Variants in PPP2R1B observed in about 807,000 individuals in gnomAD.
PPP2R1B encodes the protein serine/threonine-protein phosphatase 2A 65 kDa regulatory subunit A beta isoform.
PPP2R1B carries 58 observed loss-of-function variants against 72.7 expected under a neutral mutation model. The observed-to-expected ratio is 0.80, with a 90% CI of 0.65 to 0.99. The LOEUF is 0.99. Ranked by LOEUF, PPP2R1B falls within the 50% of genes least tolerant of loss-of-function variation. PPP2R1B has a pLI of 0.00. For missense variants in PPP2R1B, 695 were observed against 733.6 expected, an observed-to-expected ratio of 0.95 and a Z score of 0.61; for synonymous variants, 256 against 264.6, an observed-to-expected ratio of 0.97 and a Z score of 0.32.
rs782535887 is a variant in PPP2R1B at position 111,759,855 on chromosome 11, A to T, written c.636T>A (p.Ser212Arg). The change falls in exon 5 of 15, where the codon AGT (serine) becomes AGA (arginine). Residue 212 changes from serine to arginine, a missense_variant. Transcript: ENST00000527614. ...GEFAKVLELD[S>R]VKSEIVPLFT... ...ACAGTGGAACAATTTCACTTTTCACACTGTCTAATTCCAAAACTTTTGCAA... is the reference window on the plus strand; with the variant it reads ...ACAGTGGAACAATTTCACTTTTCACTCTGTCTAATTCCAAAACTTTTGCAA... 6.2e-7 allele frequency: 1 copy of T among 1,614,130 alleles called. No homozygotes were observed.
At chr11:111,703,054 C>A in the PPP2R1B span, 3 of 648,048 alleles carry the variant, frequency 4.6e-6, no homozygotes, top group South Asian at 5.8e-5. Flanking sequence ...TATAAGTAGC[C>A]TGCATGTGTT....
intron 10 of PPP2R1B, among the ~76,000 whole-genome samples, chr11:111,750,763 C>CA (rs1555047609): frequency 6.6e-6 from 1 of 151,986 alleles, no homozygotes; most frequent in African/African-American, 2.4e-5. Flanking sequence ...TCACGAAACT[C>CA]AAACAGTAAC....
rs781815280 is a variant in PPP2R1B at position 111,752,203 on chromosome 11, G to A, written c.1294C>T (p.Arg432Cys). ...GGCATATACTCAATGATGGCCAGGCGGACCCTCCATTTGGCATCTTCTGCC... is the reference window on the plus strand; with the variant it reads ...GGCATATACTCAATGATGGCCAGGCAGACCCTCCATTTGGCATCTTCTGCC... ...ELAEDAKWRVRLAIIEYMPLL... is the reference protein window; with the variant it reads ...ELAEDAKWRVCLAIIEYMPLL... Residue 432 changes from arginine (R) to cysteine (C), a missense_variant, in exon 10 of 15, where the codon CGC becomes TGC. Arg to Cys is a radical substitution (Grantham distance 180). Coordinates refer to ENST00000527614, the MANE Select transcript of PPP2R1B (RefSeq NM_002716.5). 16 of 1,613,806 alleles carry A rather than the reference G, an allele frequency of 9.9e-6. No individual in the cohort carries two copies. Among genetic ancestry groups the A allele is most frequent in the South Asian group, 5.5e-5 (5 of 91,052 alleles).
At chr11:111,737,321 T>TC (rs746876712), downstream of PPP2R1B, 25 of 1,417,532 alleles carry the variant, frequency 1.8e-5, no homozygotes, top group Admixed American at 1.4e-4. Flanking sequence ...ATTGGACTCT[T>TC]CCCCTGGGGA....
intron 15 of PPP2R1B, chr11:111,730,485 A>C (rs1944151232): frequency 6.6e-6 from 1 of 152,254 alleles, no homozygotes; most frequent in African/African-American, 2.4e-5. Flanking sequence ...AGAAAGGGCA[A>C]GATTATTTGC....
chr11:111,712,127 A>G, the PPP2R1B span: 2 of 1,342,852 alleles, frequency 1.5e-6, no homozygotes, highest in Non-Finnish European at 2.1e-6. Flanking sequence ...TGCCACAGGA[A>G]GAATTATTTT....
chr11:111,702,925 C>CTGTT, the PPP2R1B span, among the ~76,000 whole-genome samples: 144,159 of 152,012 alleles, frequency 0.95, 68,717 homozygotes, highest in East Asian at 1. Context: ...AAACCAAAGT[C>CTGTT]TGTTTCTAGA....
At chr11:111,746,786 A>C (rs1389738125) in intron 11 of PPP2R1B, among the ~76,000 whole-genome samples, 3 of 152,232 alleles carry the variant, frequency 2.0e-5, no homozygotes, top group Non-Finnish European at 4.4e-5. Flanking sequence ...TTTTATTTAA[A>C]AAGAAATAAA....
chr11:111,720,528 G>A, the PPP2R1B span: 1 of 1,613,668 alleles, frequency 6.2e-7, no homozygotes, highest in Non-Finnish European at 8.5e-7. Flanking sequence ...TGTGGACTCT[G>A]AGTATGATAT....
At chr11:111,764,662 T>TA in intron 3 of PPP2R1B, 143 bp downstream of exon 3, 1 of 805,228 alleles carries the variant, frequency 1.2e-6, no homozygotes, top group South Asian at 1.8e-5. Flanking sequence ...CTACAGTACT[T>TA]ATTCTCTCAA....
At chr11:111,764,624 A>G (rs1385001948) in intron 3 of PPP2R1B, among the ~76,000 whole-genome samples, 181 bp downstream of exon 3, 1 of 152,156 alleles carries the variant, frequency 6.6e-6, no homozygotes, top group Non-Finnish European at 1.5e-5. Context: ...TTTACAGAAA[A>G]AAAAAAAAGG....
intron 2 of PPP2R1B, 26 bp from the exon 3 acceptor site, chr11:111,764,931 T>C (rs7106104): frequency 0.27 from 436,109 of 1,610,116 alleles, 60,330 homozygotes; most frequent in Middle Eastern, 0.3. Flanking sequence ...ACAGGACTCA[T>C]CAACATGGAT....
chr11:111,742,498 A>G (rs1473852629), intron 13 of PPP2R1B, 25 bp downstream of exon 13: 1 of 1,603,414 alleles, frequency 6.2e-7, no homozygotes, highest in Non-Finnish European at 8.5e-7. Context: ...CACTTTTAAA[A>G]CAAGACTAAA....
chr11:111,689,332 A>C, the PPP2R1B span, among the ~76,000 whole-genome samples: 34 of 152,318 alleles, frequency 2.2e-4, no homozygotes, highest in East Asian at 5.4e-3. Context: ...TAACATGATT[A>C]GATTTGCATG....
At chr11:111,723,385 T>G, downstream of PPP2R1B, 3 of 1,204,746 alleles carry the variant, frequency 2.5e-6, no homozygotes, top group Non-Finnish European at 3.5e-6. Context: ...TTTGCTGACA[T>G]GAGAGAGACT....
At chr11:111,699,908 T>G in the PPP2R1B span, among the ~76,000 whole-genome samples, 1 of 152,230 alleles carries the variant, frequency 6.6e-6, no homozygotes. Flanking sequence ...GAGCCATCTC[T>G]TAAAGCTCAC....
chr11:111,754,860 T>TAA (rs1945042651), intron 7 of PPP2R1B, 120 bp downstream of exon 7: 1 of 948,780 alleles, frequency 1.1e-6, no homozygotes, highest in African/African-American at 1.7e-5. Context: ...TTCCACACAC[T>TAA]AAAAACATCC....
intron 15 of PPP2R1B, chr11:111,727,336 GGAAA>G: frequency 2.1e-6 from 1 of 467,732 alleles, no homozygotes; most frequent in Non-Finnish European, 3.8e-6. Flanking sequence ...TTGCCTCCTA[GGAAA>G]GAAAAAGTCA....
In PPP2R1B at chr11:111,739,374, A is replaced by G. The variant is rs1944444059; in HGVS notation, c.*2222T>C. The G allele has an allele frequency of 1.0e-6, 1 of 985,088 alleles. No homozygotes were observed. 61.0% of individuals were successfully genotyped at this position (985,088 alleles called of 1,614,324 possible). ...AAAAAAAAAATAGGAGAACTAATTC[A>G]TGGAGAACATGGCCAAGTTATGAGC... is the stretch of plus-strand genomic sequence containing the variant. On this transcript the variant is annotated 3_prime_UTR_variant, in exon 15 of 15. Transcript: ENST00000527614.
Sources: allele counts gnomAD v4.1 joint callset (sites outside exome capture counted in the v4.1 genomes callset), GRCh38; gene constraint gnomAD v4.1.1; transcripts MANE v1.5; gene names NCBI Gene and HGNC (gene_info 2026-07-23, HGNC 2026-07-21).